Variants in SEMA3A observed in about 807,000 individuals in gnomAD.
SEMA3A encodes semaphorin-3A.
SEMA3A carries 29 observed loss-of-function variants against 97.9 expected under a neutral mutation model. The ratio of observed to expected loss-of-function variants is 0.30; its 90% CI spans 0.22 to 0.40. The LOEUF is 0.40. Ranked by LOEUF, SEMA3A falls within the 10% of genes least tolerant of loss-of-function variation. The pLI, the probability that SEMA3A is intolerant of heterozygous loss-of-function variation, is 1.00. For synonymous variants in SEMA3A, 321 were observed against 323.7 expected (o/e 0.99, Z 0.09); for missense variants, 763 against 951.3 (o/e 0.80, Z 2.60).
At chr7:84,469,762 C>A (rs1806100028) in intron 1 of SEMA3A, among the ~76,000 whole-genome samples, 1 of 152,002 alleles carries the variant, frequency 6.6e-6, no homozygotes, top group Non-Finnish European at 1.5e-5. Context: ...CTTTAGTTTA[C>A]AAAATGGTTT....
At chr7:84,066,265 G>T (rs558020436) in intron 4 of SEMA3A, among the ~76,000 whole-genome samples, 361 of 152,004 alleles carry the variant, frequency 2.4e-3, no homozygotes, top group African/African-American at 8.2e-3. Flanking sequence ...TTGATGGGAC[G>T]TATTTCAAAA....
At chr7:84,345,382 T>C (rs899372522) in intron 2 of SEMA3A, among the ~76,000 whole-genome samples, 9 of 152,266 alleles carry the variant, frequency 5.9e-5, no homozygotes, top group East Asian at 1.9e-4. Flanking sequence ...GAGAAGTTAC[T>C]GAAAATAAGA....
At chr7:84,205,763 G>T (rs1005381712) in intron 3 of SEMA3A, among the ~76,000 whole-genome samples, 36 of 152,232 alleles carry the variant, frequency 2.4e-4, no homozygotes, top group African/African-American at 6.7e-4. Context: ...ACACTATCCA[G>T]AATTTTGAAA....
At chr7:84,067,505 A>T (rs1008763333) in intron 4 of SEMA3A, among the ~76,000 whole-genome samples, 16 of 151,572 alleles carry the variant, frequency 1.1e-4, no homozygotes, top group African/African-American at 2.9e-4. Flanking sequence ...ATGGGAGAAA[A>T]TTTTCGCAAC....
chr7:84,420,104 A>G (rs529845771), intron 1 of SEMA3A, among the ~76,000 whole-genome samples: 1 of 152,196 alleles, frequency 6.6e-6, no homozygotes, highest in Admixed American at 6.6e-5. Context: ...TGTTCCCAGA[A>G]TTTTCATAGG....
chr7:84,359,647 C>A (rs1330659522), intron 2 of SEMA3A, among the ~76,000 whole-genome samples: 3 of 152,066 alleles, frequency 2.0e-5, no homozygotes, highest in African/African-American at 7.2e-5. Context: ...ATCATGCTGG[C>A]CTCATAAAAT....
chr7:84,207,829 A>G (rs920166155), intron 3 of SEMA3A, among the ~76,000 whole-genome samples: 1 of 152,130 alleles, frequency 6.6e-6, no homozygotes, highest in Admixed American at 6.5e-5. Context: ...ATTGAGCTGC[A>G]ATAAAGAAAG....
At chr7:84,296,717 G>A (rs937463791) in intron 3 of SEMA3A, among the ~76,000 whole-genome samples, 35 of 151,930 alleles carry the variant, frequency 2.3e-4, no homozygotes, top group Admixed American at 6.6e-5. Flanking sequence ...CATACTCTTT[G>A]TGATAGCTTT....
rs1388632307 is a variant in SEMA3A at position 84,472,215 on chromosome 7, TTAGGTTA to T, written c.-246+20238_-246+20244del. 6.6e-5 allele frequency among the ~76,000 whole-genome samples: 10 copies of T among 152,028 alleles called. No individual in the cohort carries two copies. The East Asian group carries it at 1.9e-3, about 29-fold the overall frequency. On this transcript the variant is annotated intron_variant, in intron 1 of 3. Transcript: ENST00000424555. Reference sequence around the variant, plus strand: ...ATATTGTTCATGAACTGAGGAAAAGTTAGGTTAGAGTCAAGAGATACAATGACAAACA... The same window carrying T: ...ATATTGTTCATGAACTGAGGAAAAGTGAGTCAAGAGATACAATGACAAACA...
In SEMA3A at chr7:83,998,850, T is replaced by C. The variant is rs527320929; in HGVS notation, c.1452+3105A>G. Among the ~76,000 whole-genome samples the C allele has an allele frequency of 1.5e-4, 23 of 152,256 alleles. No individual in the cohort carries two copies. In the South Asian group the frequency reaches 1.9e-3, roughly 12 times the overall value. On this transcript the variant is annotated intron_variant, in intron 12 of 16. Coordinates refer to ENST00000265362, the MANE Select transcript of SEMA3A (RefSeq NM_006080.3). ...ACAAAAACATACACTAGCCTAGGCC[T>C]ACACAGGGTAAGGATCATCAATATC... is the stretch of plus-strand genomic sequence containing the variant.
chr7:84,402,391 T>G (rs189065417), intron 1 of SEMA3A, among the ~76,000 whole-genome samples: 49 of 152,310 alleles, frequency 3.2e-4, no homozygotes, highest in Middle Eastern at 3.4e-3. Flanking sequence ...TGTACACTGT[T>G]GGTGAGAATA....
chr7:84,050,776 T>A (rs1379896729), intron 5 of SEMA3A, among the ~76,000 whole-genome samples: 3 of 152,212 alleles, frequency 2.0e-5, no homozygotes. Flanking sequence ...AGACATGAAG[T>A]CCTTGCCCAT....
chr7:84,379,015 C>A (rs1456895309), intron 1 of SEMA3A, among the ~76,000 whole-genome samples: 1 of 151,944 alleles, frequency 6.6e-6, no homozygotes, highest in African/African-American at 2.4e-5. Context: ...GCAAGCTCCG[C>A]CTCCCAGGTT....
chr7:84,157,264 A>T (rs2116149324), intron 1 of SEMA3A, among the ~76,000 whole-genome samples: 1 of 152,304 alleles, frequency 6.6e-6, no homozygotes, highest in South Asian at 2.1e-4. Context: ...TACATGCAAC[A>T]ATGCAGGTAT....
rs976966172 is a variant in SEMA3A, at chr7:84,270,026, C to T, written c.-83+37181G>A. ...TTTCTCCTCTATAAAACTTGTTGAG[C>T]AAGTGTGGTTTAAAGCAGGAATATT... On this transcript the variant is annotated intron_variant, in intron 3 of 3. Transcript: ENST00000424555. 5.9e-5 allele frequency among the ~76,000 whole-genome samples: 9 copies of T among 152,012 alleles called. 1 individual carries two copies. In the South Asian group the frequency reaches 6.2e-4, roughly 10 times the overall value.
intron 1 of SEMA3A, among the ~76,000 whole-genome samples, chr7:84,379,467 C>T (rs574333944): frequency 1.1e-3 from 162 of 152,120 alleles, no homozygotes; most frequent in African/African-American, 3.7e-3. Context: ...CCCCATTGAC[C>T]AAATTCAAGA....
chr7:84,330,342 A>G (rs1262136338), intron 2 of SEMA3A, among the ~76,000 whole-genome samples: 1 of 152,100 alleles, frequency 6.6e-6, no homozygotes, highest in Non-Finnish European at 1.5e-5. Context: ...GGTGAGAAAA[A>G]TGACTTTTTA....
At chr7:84,454,441 A>G (rs1172033743) in intron 1 of SEMA3A, among the ~76,000 whole-genome samples, 2 of 152,166 alleles carry the variant, frequency 1.3e-5, no homozygotes, top group Admixed American at 6.5e-5. Flanking sequence ...GAGCTGAGTA[A>G]CCAGTTATTT....
At chr7:84,211,466 A>AC (rs1318748117) in intron 3 of SEMA3A, among the ~76,000 whole-genome samples, 20 of 151,772 alleles carry the variant, frequency 1.3e-4, no homozygotes, top group African/African-American at 4.1e-4. Flanking sequence ...CAAAAAAAAA[A>AC]AAAAATTAGT....
Sources: allele counts gnomAD v4.1 joint callset (sites outside exome capture counted in the v4.1 genomes callset), GRCh38; gene constraint gnomAD v4.1.1; transcripts MANE v1.5; gene names NCBI Gene and HGNC (gene_info 2026-07-23, HGNC 2026-07-21).